Variants in PIK3AP1 observed in about 807,000 individuals in gnomAD.
The protein encoded by PIK3AP1 is phosphoinositide 3-kinase adapter protein 1.
A neutral mutation model predicts 88.1 loss-of-function variants in PIK3AP1; 21 were observed. The observed-to-expected ratio is 0.24, with a 90% CI of 0.17 to 0.34. The LOEUF (loss-of-function observed/expected upper bound fraction) is 0.34. Among genes scored for constraint, PIK3AP1 ranks in the 10% least tolerant of loss-of-function variants. The pLI is 1.00. For synonymous variants in PIK3AP1, 398 were observed against 400.0 expected (o/e 1.00, Z 0.06); for missense variants, 828 against 1,035.7 (o/e 0.80, Z 2.75).
chr10:96,648,794 G>A lies in PIK3AP1; in HGVS notation c.1050C>T (p.Asn350=). The A allele has an allele frequency of 6.2e-7, 1 of 1,606,380 alleles. No homozygotes were observed. Among genetic ancestry groups the A allele is most frequent in the Non-Finnish European group, 8.5e-7 (1 of 1,176,990 alleles). ...LHFAAKYGLK[N]LTALLLTCPG... The stretch of plus-strand genomic sequence containing the variant: ...GGCAGGTGAGCAACAAGGCAGTGAG[G>A]TTCTTCAGTCCATACTTCGCAGCAA... The change falls in exon 7 of 17, where the codon AAC becomes AAT. Residue 350 remains asparagine (N), a synonymous_variant. Coordinates refer to ENST00000339364, the MANE Select transcript of PIK3AP1 (RefSeq NM_152309.3).
chr10:96,703,004 G>T (rs1476318353), intron 2 of PIK3AP1, among the ~76,000 whole-genome samples: 1 of 152,090 alleles, frequency 6.6e-6, no homozygotes, highest in Non-Finnish European at 1.5e-5. Flanking sequence ...AGCCTCTCCG[G>T]TAGCTGGGAT....
chr10:96,602,463 C>T (rs1848916234), intron 15 of PIK3AP1, 65 bp from the exon 16 acceptor site: 3 of 1,401,146 alleles, frequency 2.1e-6, no homozygotes, highest in East Asian at 2.4e-5. Flanking sequence ...AGCTGGACAA[C>T]CGTAACTCAA....
chr10:96,625,820 C>T (rs1474831216), intron 10 of PIK3AP1, among the ~76,000 whole-genome samples: 1 of 152,202 alleles, frequency 6.6e-6, no homozygotes, highest in Non-Finnish European at 1.5e-5. Flanking sequence ...TCAATCTCGG[C>T]TCACTGTAAC....
At chr10:96,635,146 A>G (rs1204990768) in intron 8 of PIK3AP1, among the ~76,000 whole-genome samples, 1 of 152,164 alleles carries the variant, frequency 6.6e-6, no homozygotes, top group Non-Finnish European at 1.5e-5. Flanking sequence ...TGTAATCTTA[A>G]TTCTCCTTTG....
intron 6 of PIK3AP1, among the ~76,000 whole-genome samples, 193 bp downstream of exon 6, chr10:96,651,055 T>TA (rs1199309551): frequency 2.0e-5 from 3 of 152,128 alleles, no homozygotes; most frequent in African/African-American, 7.2e-5. Context: ...GAGAAGGGGG[T>TA]AAAGTATTCA....
chr10:96,686,450 C>T (rs537510574), intron 2 of PIK3AP1, among the ~76,000 whole-genome samples: 1 of 152,282 alleles, frequency 6.6e-6, no homozygotes, highest in African/African-American at 2.4e-5. Context: ...GTGGATGTAC[C>T]GCAAATGAGC....
At chr10:96,602,135 G>T in intron 16 of PIK3AP1, 145 bp downstream of exon 16, 1 of 609,912 alleles carries the variant, frequency 1.6e-6, no homozygotes, top group East Asian at 4.0e-5. Context: ...CGCCCGCCTT[G>T]GCCTCCCAAA....
chr10:96,714,066 C>T (rs936864068), intron 1 of PIK3AP1, among the ~76,000 whole-genome samples: 17 of 152,024 alleles, frequency 1.1e-4, no homozygotes, highest in South Asian at 4.2e-4. Flanking sequence ...TCCAGCTATT[C>T]GGGAGGCTGA....
chr10:96,656,820 T>C lies in PIK3AP1; in HGVS notation c.545A>G (p.Gln182Arg), dbSNP rs771863737. 1 of 1,614,126 alleles carries C rather than the reference T, an allele frequency of 6.2e-7. No individual in the cohort carries two copies. The highest frequency in any genetic ancestry group is 1.1e-5 in the South Asian group (1 of 91,080). The change falls in exon 3 of 17, where the codon CAG becomes CGG. Residue 182 changes from glutamine to arginine, a missense_variant. Physicochemically the swap from Gln to Arg is conservative, Grantham distance 43 (BLOSUM62 1). Coordinates refer to ENST00000339364, the MANE Select transcript of PIK3AP1 (RefSeq NM_152309.3). ...VTSPGNLMVV[Q>R]PDRIRCGAET... is the part of the protein sequence containing the mutation. ...TACCCCACAGCGAATGCGGTCCGGC[T>C]GCACCACCATCAGGTTCCCAGGTGA...
chr10:96,613,631 A>G (rs1849164496), intron 13 of PIK3AP1, among the ~76,000 whole-genome samples: 1 of 152,152 alleles, frequency 6.6e-6, no homozygotes, highest in African/African-American at 2.4e-5. Context: ...TTTTGGAAAA[A>G]TGTAGACACT....
chr10:96,609,499 C>T (rs11188853), intron 14 of PIK3AP1, among the ~76,000 whole-genome samples: 60,790 of 151,990 alleles, frequency 0.4, 13,171 homozygotes, highest in African/African-American at 0.55. Flanking sequence ...AGAAAAGGGC[C>T]AGAGTAATAA....
chr10:96,692,622 T>A (rs1844168921), intron 2 of PIK3AP1, among the ~76,000 whole-genome samples: 1 of 152,054 alleles, frequency 6.6e-6, no homozygotes, highest in African/African-American at 2.4e-5. Flanking sequence ...TATATTGTTT[T>A]AGCATAAAAT....
chr10:96,695,897 A>G (rs1844212679), intron 2 of PIK3AP1, among the ~76,000 whole-genome samples: 2 of 152,184 alleles, frequency 1.3e-5, no homozygotes, highest in African/African-American at 4.8e-5. Context: ...GCACATTTTT[A>G]AGTATGGACA....
At chr10:96,662,389 G>A (rs1253520428) in intron 2 of PIK3AP1, among the ~76,000 whole-genome samples, 1 of 151,136 alleles carries the variant, frequency 6.6e-6, no homozygotes, top group Non-Finnish European at 1.5e-5. Context: ...ATCACCTGAG[G>A]TCAGGAGCTC....
chr10:96,684,476 A>G (rs1844043512), intron 2 of PIK3AP1, among the ~76,000 whole-genome samples: 1 of 152,190 alleles, frequency 6.6e-6, no homozygotes, highest in Non-Finnish European at 1.5e-5. Context: ...TTCACCCACA[A>G]AGTCTGATCT....
intron 2 of PIK3AP1, among the ~76,000 whole-genome samples, chr10:96,684,838 T>C (rs1180100141): frequency 2.0e-5 from 3 of 152,162 alleles, no homozygotes; most frequent in Admixed American, 2.0e-4. Context: ...ATCAGAGCAG[T>C]TGAGGCGGCA....
At chr10:96,631,367 C>G (rs1481492431) in intron 8 of PIK3AP1, among the ~76,000 whole-genome samples, 2 of 152,100 alleles carry the variant, frequency 1.3e-5, no homozygotes, top group Non-Finnish European at 2.9e-5. Flanking sequence ...TCACTAACAA[C>G]GTTCAATTTG....
intron 8 of PIK3AP1, among the ~76,000 whole-genome samples, chr10:96,639,304 GAAC>G (rs1391241574): frequency 6.6e-6 from 1 of 152,106 alleles, no homozygotes; most frequent in Non-Finnish European, 1.5e-5. Context: ...AGAAATCGCT[GAAC>G]ACCTATTGTG....
chr10:96,652,834 G>T lies in PIK3AP1; in HGVS notation c.576C>A (p.Thr192=). ...QPDRIRCGAE[T]TVYVIVRCKL... is the part of the protein sequence containing the mutation. ...TACATCTCACAATAACATAGACAGTGGTTTCTGCCTGAAACGGGAAGCCGG... is the reference window on the plus strand; with the variant it reads ...TACATCTCACAATAACATAGACAGTTGTTTCTGCCTGAAACGGGAAGCCGG... Residue 192 remains threonine, a synonymous_variant, in exon 4 of 17, where the codon ACC becomes ACA. Transcript: ENST00000339364. 1 of 1,613,348 alleles carries T rather than the reference G, an allele frequency of 6.2e-7. No homozygotes were observed. The highest frequency in any genetic ancestry group is 2.2e-5 in the East Asian group (1 of 44,872).
Sources: allele counts gnomAD v4.1 joint callset (sites outside exome capture counted in the v4.1 genomes callset), GRCh38; gene constraint gnomAD v4.1.1; transcripts MANE v1.5; gene names NCBI Gene and HGNC (gene_info 2026-07-23, HGNC 2026-07-21).